Variants in CACNA1C observed in about 807,000 individuals in gnomAD.
The protein encoded by CACNA1C is voltage-dependent L-type calcium channel subunit alpha-1C.
Under a neutral mutation model 229.0 loss-of-function variants are expected in CACNA1C, and 30 were observed. The ratio of observed to expected loss-of-function variants is 0.13; its 90% CI spans 0.10 to 0.18. The LOEUF is 0.18. CACNA1C is among the 10% of genes least tolerant of loss of function. The pLI is 1.00. For synonymous variants in CACNA1C, 1,114 were observed against 1,132.5 expected (o/e 0.98, Z 0.33); for missense variants, 1,658 against 2,845.0 (o/e 0.58, Z 9.49).
chr12:2,177,284 T>C (rs1233436568), intron 3 of CACNA1C, among the ~76,000 whole-genome samples: 1 of 152,074 alleles, frequency 6.6e-6, no homozygotes, highest in Non-Finnish European at 1.5e-5. Flanking sequence ...TTGTTCGTCT[T>C]CTCCTCTGGG....
At chr12:2,592,141 T>C (rs994785559) in intron 18 of CACNA1C, among the ~76,000 whole-genome samples, 13 of 152,132 alleles carry the variant, frequency 8.5e-5, no homozygotes, top group Admixed American at 7.2e-4. Flanking sequence ...GCTCAGAAAA[T>C]AGTTTCGTGT....
At chr12:2,381,186 A>G (rs2098235962) in intron 3 of CACNA1C, among the ~76,000 whole-genome samples, 1 of 152,194 alleles carries the variant, frequency 6.6e-6, no homozygotes, top group Non-Finnish European at 1.5e-5. Flanking sequence ...AGGTTAGATC[A>G]GGCTTCCAAG....
rs216041 is a variant in CACNA1C at position 2,649,771 on chromosome 12, A to G, written c.3945+1264A>G. 0.33 allele frequency among the ~76,000 whole-genome samples: 50,342 copies of G among 151,566 alleles called. 11,230 individuals carry two copies. Among genetic ancestry groups the G allele is most frequent in the African/African-American group, 0.65 (26,529 of 41,094 alleles). ...TCTCAAACTCTTGACACTTGCAGCT[A>G]AAGTTCTCCACTTAAGCTTGTTCTT... On this transcript the variant is annotated intron_variant, in intron 31 of 46. Coordinates refer to ENST00000399655, the MANE Select transcript of CACNA1C (RefSeq NM_000719.7). The surrounding 1 kb of genome is among the most constrained non-coding windows in gnomAD (Gnocchi z 4.4).
Position 2,691,215 on chromosome 12 carries a change from G to A in CACNA1C, c.*16G>A, listed in dbSNP as rs2097784714. On this transcript the variant is annotated 3_prime_UTR_variant, in exon 47 of 47. Coordinates refer to ENST00000399655, the MANE Select transcript of CACNA1C (RefSeq NM_000719.7). ...CAGCCTGTAGTGGGCGCTGCCAGAT[G>A]CGGGCTTTTTTTTATTTGTTTCAAT... 1 of 1,523,150 alleles carries A rather than the reference G, an allele frequency of 6.6e-7. No homozygotes were observed. The highest frequency in any genetic ancestry group is 8.8e-7 in the Non-Finnish European group (1 of 1,137,888). The allele number at this position is 1,523,150 out of a possible 1,614,324, so 94.4% of individuals were successfully genotyped here.
intron 3 of CACNA1C, among the ~76,000 whole-genome samples, chr12:2,120,684 G>A (rs576715621): frequency 3.3e-5 from 5 of 151,406 alleles, no homozygotes; most frequent in Admixed American, 6.6e-5. Flanking sequence ...GTGTGTGTGT[G>A]TGTGTGTGTG....
At chr12:2,388,173 G>A (rs2098424879) in intron 3 of CACNA1C, among the ~76,000 whole-genome samples, 1 of 152,210 alleles carries the variant, frequency 6.6e-6, no homozygotes, top group Admixed American at 6.5e-5. Context: ...AGTATACAGA[G>A]TTTCTGTTGT....
At chr12:1,994,103 C>T (rs2040211783) in intron 1 of CACNA1C, among the ~76,000 whole-genome samples, 1 of 152,164 alleles carries the variant, frequency 6.6e-6, no homozygotes, top group South Asian at 2.1e-4. Context: ...CCTGCTCTGC[C>T]AGGCAGAAAG....
chr12:2,528,142 G>C (rs556775147), intron 9 of CACNA1C, among the ~76,000 whole-genome samples: 1 of 152,042 alleles, frequency 6.6e-6, no homozygotes, highest in African/African-American at 2.4e-5. Flanking sequence ...AACAATTGTC[G>C]TGTGCTATAC....
intron 3 of CACNA1C, among the ~76,000 whole-genome samples, chr12:2,352,281 A>G (rs2154527219): frequency 6.6e-6 from 1 of 152,314 alleles, no homozygotes; most frequent in Admixed American, 6.5e-5. Context: ...AGGCTGCCTA[A>G]GGTTGTCAGA....
intron 3 of CACNA1C, among the ~76,000 whole-genome samples, chr12:2,129,628 A>C (rs996899522): frequency 2.0e-5 from 3 of 152,236 alleles, no homozygotes; most frequent in Admixed American, 2.0e-4. Flanking sequence ...GATCCTTAAA[A>C]GAAAAATCTG....
At chr12:2,072,364 A>G (rs140619858) in intron 1 of CACNA1C, among the ~76,000 whole-genome samples, 4,762 of 152,006 alleles carry the variant, frequency 0.031, 207 homozygotes, top group African/African-American at 0.094. Context: ...GTGCCTGGCT[A>G]ATTTTTTTGT....
At chr12:2,192,105 C>T (rs2097256242) in intron 3 of CACNA1C, among the ~76,000 whole-genome samples, 1 of 152,174 alleles carries the variant, frequency 6.6e-6, no homozygotes, top group Non-Finnish European at 1.5e-5. Context: ...TGGGCGCGCA[C>T]ACACACACCC....
chr12:2,044,453 G>C (rs569366515), intron 1 of CACNA1C, among the ~76,000 whole-genome samples: 1 of 152,286 alleles, frequency 6.6e-6, no homozygotes, highest in South Asian at 2.1e-4. Context: ...CTCTCTAGCA[G>C]GGCGGTGGTG....
chr12:2,598,136 T>C (rs904191978), intron 21 of CACNA1C, among the ~76,000 whole-genome samples: 8 of 152,182 alleles, frequency 5.3e-5, no homozygotes, highest in African/African-American at 1.9e-4. Context: ...TGCAAAGCTT[T>C]GTCACAGTGC....
intron 9 of CACNA1C, among the ~76,000 whole-genome samples, chr12:2,546,496 T>G (rs1474244537): frequency 8.8e-6 from 1 of 113,134 alleles, no homozygotes; most frequent in Non-Finnish European, 1.8e-5. Flanking sequence ...TCTTCACACT[T>G]TTCTGTGCAG....
chr12:2,595,694 G>A lies in CACNA1C; in HGVS notation c.2664-180G>A, dbSNP rs2067811331. Among the ~76,000 whole-genome samples the A allele has an allele frequency of 6.6e-6, 1 of 152,118 alleles. No homozygotes were observed. Among genetic ancestry groups the A allele is most frequent in the South Asian group, 2.1e-4 (1 of 4,826 alleles). ...TCAAAGATGATATGTGCACCATGGG[G>A]GTGAGCAGTTGTCATTACCAAGCAG... On this transcript the variant is annotated intron_variant, in intron 19 of 46. Coordinates refer to ENST00000399655, the MANE Select transcript of CACNA1C (RefSeq NM_000719.7). This position sits in a 1 kb window ranked among gnomAD's most constrained non-coding sequence, Gnocchi z 4.1.
rs189081088 is a variant in CACNA1C, at chr12:2,021,878, C to T, written c.139+50677C>T. Among the ~76,000 whole-genome samples, 7 of 152,318 alleles carry T rather than the reference C, an allele frequency of 4.6e-5. No individual in the cohort carries two copies. In the East Asian group the frequency reaches 1.3e-3, roughly 29 times the overall value. On this transcript the variant is annotated intron_variant, in intron 1 of 46. Transcript: ENST00000682462. ...GCAAGCTAAACACCTCTAAAAGGCT[C>T]CACCTCCCAACATTATTGCATTGGG...
chr12:2,494,371 T>G (rs1278521390), intron 7 of CACNA1C, among the ~76,000 whole-genome samples: 1 of 152,206 alleles, frequency 6.6e-6, no homozygotes, highest in African/African-American at 2.4e-5. Flanking sequence ...TCCAGAAAAT[T>G]TATTCTTCAT....
intron 8 of CACNA1C, among the ~76,000 whole-genome samples, chr12:2,508,928 T>C (rs2099777579): frequency 6.6e-6 from 1 of 152,222 alleles, no homozygotes; most frequent in Admixed American, 6.5e-5. Flanking sequence ...CAATCTCCAG[T>C]CGACTAGAAT....
Sources: gnomAD v4.1 joint callset for allele counts (sites outside exome capture counted in the v4.1 genomes callset) on GRCh38, gnomAD v4.1.1 for gene constraint, Gnocchi (gnomAD v3.1) non-coding constraint, MANE v1.5 for transcripts, NCBI Gene and HGNC (gene_info 2026-07-23, HGNC 2026-07-21) for gene names.